Variants in TBC1D22A observed in about 807,000 individuals in gnomAD.
TBC1D22A encodes the protein TBC1 domain family member 22A.
In TBC1D22A, 38 loss-of-function variants were observed where a neutral mutation model predicts 60.2. That is an observed-to-expected ratio of 0.63 (90% CI 0.49 to 0.83). TBC1D22A has a LOEUF of 0.83. Among genes scored for constraint, TBC1D22A ranks in the 40% least tolerant of loss-of-function variants. The probability of loss-of-function intolerance (pLI) is 0.00; values close to 1 mark genes in which losing one functional copy is unlikely to be tolerated. For missense variants in TBC1D22A, 628 were observed against 701.0 expected (o/e 0.90, Z 1.18); for synonymous variants, 302 against 281.7 (o/e 1.07, Z -0.72).
At chr22:46,780,157 C>T (rs1373554806) in intron 1 of TBC1D22A, among the ~76,000 whole-genome samples, 1 of 152,102 alleles carries the variant, frequency 6.6e-6, no homozygotes, top group Non-Finnish European at 1.5e-5. Flanking sequence ...AATTTGAGTA[C>T]GTATTTCAGA....
At chr22:46,762,933 G>C (rs1483598900) in intron 1 of TBC1D22A, 85 bp downstream of exon 1, 1 of 1,341,166 alleles carries the variant, frequency 7.5e-7, no homozygotes, top group Non-Finnish European at 9.9e-7. Context: ...GGGTGGAGTC[G>C]GGGGTCTGGA....
chr22:47,091,201 C>A (rs576355484), intron 11 of TBC1D22A, among the ~76,000 whole-genome samples: 2 of 127,470 alleles, frequency 1.6e-5, no homozygotes, highest in South Asian at 5.4e-4. Flanking sequence ...GAGGGGGTGG[C>A]TGCGTGTTGA....
At position 47,098,368 on chromosome 22, in the gene TBC1D22A, G is replaced by A. The variant is rs564950676; in HGVS notation, c.1330-13140G>A. 5.9e-5 allele frequency among the ~76,000 whole-genome samples: 9 copies of A among 152,304 alleles called. No homozygotes were observed. In the East Asian group the frequency reaches 9.6e-4, roughly 16 times the overall value. On this transcript the variant is annotated intron_variant, in intron 11 of 12. Coordinates refer to ENST00000337137, the MANE Select transcript of TBC1D22A (RefSeq NM_014346.5). ...CAGGGGTGATGGGGCAGCATGGGGC[G>A]TGTCCAAACACAGCCCTGACCTCAC... is the stretch of plus-strand genomic sequence containing the variant.
chr22:46,907,785 G>A (rs369192336), intron 7 of TBC1D22A, among the ~76,000 whole-genome samples: 3 of 152,222 alleles, frequency 2.0e-5, no homozygotes, highest in Non-Finnish European at 4.4e-5. Flanking sequence ...GGCCAGAGCC[G>A]GGGCAGTGCG....
chr22:46,967,127 A>G (rs1248475438), intron 8 of TBC1D22A, among the ~76,000 whole-genome samples: 2 of 152,212 alleles, frequency 1.3e-5, no homozygotes, highest in Non-Finnish European at 2.9e-5. Flanking sequence ...CAGAGTCGGG[A>G]ACTGTGACTG....
chr22:46,837,473 C>T (rs1267369265), intron 4 of TBC1D22A, among the ~76,000 whole-genome samples: 6 of 152,058 alleles, frequency 3.9e-5, no homozygotes, highest in Non-Finnish European at 8.8e-5. Flanking sequence ...GGAGCATTCT[C>T]CAGATTAGAT....
At chr22:47,065,838 CCT>C (rs1603223780) in intron 11 of TBC1D22A, among the ~76,000 whole-genome samples, 1 of 152,174 alleles carries the variant, frequency 6.6e-6, no homozygotes, top group African/African-American at 2.4e-5. Flanking sequence ...CTCAGTTCCC[CCT>C]GTGTCCAGCT....
intron 4 of TBC1D22A, among the ~76,000 whole-genome samples, chr22:46,832,756 T>C (rs2086365618): frequency 6.6e-6 from 1 of 152,252 alleles, no homozygotes. Flanking sequence ...ATTTGGCTGA[T>C]GTTTGGATAT....
intron 12 of TBC1D22A, among the ~76,000 whole-genome samples, chr22:47,138,789 C>T (rs936910920): frequency 3.9e-5 from 6 of 152,156 alleles, no homozygotes; most frequent in African/African-American, 9.7e-5. Flanking sequence ...GGTGAGGGCC[C>T]GCTCCTGGTT....
intron 11 of TBC1D22A, among the ~76,000 whole-genome samples, chr22:47,053,192 C>T (rs1245535760): frequency 1.3e-5 from 2 of 152,106 alleles, no homozygotes; most frequent in Non-Finnish European, 2.9e-5. Context: ...CTGCTTCCTG[C>T]GTGTCCCCTC....
chr22:46,902,770 G>A (rs1023727418), intron 7 of TBC1D22A, among the ~76,000 whole-genome samples: 7 of 151,252 alleles, frequency 4.6e-5, no homozygotes, highest in Non-Finnish European at 8.8e-5. Context: ...TGTGATTCCC[G>A]AAGAACACCA....
Position 46,764,736 on chromosome 22 carries a change from G to A in TBC1D22A, c.62+1888G>A, listed in dbSNP as rs149669309. 4.8e-3 allele frequency among the ~76,000 whole-genome samples: 728 copies of A among 152,270 alleles called. 2 individuals are homozygous for A. Among genetic ancestry groups the A allele is most frequent in the Non-Finnish European group, 7.6e-3 (520 of 68,008 alleles). On this transcript the variant is annotated intron_variant, in intron 1 of 12. Transcript: ENST00000337137. ...ACAGAGAGACACACACAGGGAAATG[G>A]CCCTATGGAGACAGAAACAGAGATT...
chr22:47,129,426 G>A (rs1341258565), intron 12 of TBC1D22A, among the ~76,000 whole-genome samples: 3 of 152,208 alleles, frequency 2.0e-5, no homozygotes, highest in East Asian at 1.9e-4. Context: ...GCAGTGAGCC[G>A]AGATTGTGCC....
chr22:47,026,662 T>A (rs1394032973), intron 10 of TBC1D22A, among the ~76,000 whole-genome samples: 2 of 152,190 alleles, frequency 1.3e-5, no homozygotes, highest in Non-Finnish European at 2.9e-5. Context: ...TATAATAGCA[T>A]GAAAATGTGA....
intron 9 of TBC1D22A, among the ~76,000 whole-genome samples, chr22:46,979,586 C>T (rs1310690206): frequency 2.0e-5 from 3 of 152,186 alleles, no homozygotes; most frequent in Admixed American, 1.3e-4. Context: ...TGAGCCTGAG[C>T]GCAGTGTTAA....
At chr22:46,818,154 T>C (rs2085680496) in intron 4 of TBC1D22A, among the ~76,000 whole-genome samples, 2 of 152,368 alleles carry the variant, frequency 1.3e-5, no homozygotes, top group South Asian at 4.1e-4. Context: ...ATTAGACCTT[T>C]GTCAGATGGA....
At chr22:46,919,842 T>C (rs1305758884) in intron 8 of TBC1D22A, among the ~76,000 whole-genome samples, 1 of 152,026 alleles carries the variant, frequency 6.6e-6, no homozygotes, top group Non-Finnish European at 1.5e-5. Flanking sequence ...GGATGTTGAC[T>C]GTAGAAATCA....
At chr22:46,957,032 C>T (rs2073233637) in intron 8 of TBC1D22A, among the ~76,000 whole-genome samples, 1 of 152,196 alleles carries the variant, frequency 6.6e-6, no homozygotes, top group Non-Finnish European at 1.5e-5. Flanking sequence ...TGGCAGGTCC[C>T]TGAAGGCTCG....
intron 7 of TBC1D22A, among the ~76,000 whole-genome samples, chr22:46,908,148 G>A (rs1209304195): frequency 6.6e-6 from 1 of 152,218 alleles, no homozygotes; most frequent in Non-Finnish European, 1.5e-5. Flanking sequence ...AGCGGGATGT[G>A]GAGCATGGGG....
Sources: allele counts gnomAD v4.1 joint callset (sites outside exome capture counted in the v4.1 genomes callset), GRCh38; gene constraint gnomAD v4.1.1; transcripts MANE v1.5; gene names NCBI Gene and HGNC (gene_info 2026-07-23, HGNC 2026-07-21).